IL22RA1: variants seen among roughly 807,000 people sequenced by gnomAD.
The protein encoded by IL22RA1 is interleukin 22 receptor subunit alpha 1.
IL22RA1 carries 25 observed loss-of-function variants against 32.8 expected under a neutral mutation model. That is an observed-to-expected ratio of 0.76 (90% CI 0.55 to 1.06). The LOEUF (loss-of-function observed/expected upper bound fraction) is 1.06. Ranked by LOEUF, IL22RA1 falls within the 50% of genes least tolerant of loss-of-function variation. IL22RA1 has a pLI of 0.00. For missense variants in IL22RA1, 709 were observed against 727.4 expected, an observed-to-expected ratio of 0.97 and a Z score of 0.29; for synonymous variants, 305 against 305.0, an observed-to-expected ratio of 1.00 and a Z score of 0.00.
At chr1:24,142,112 C>A (rs191196192) in intron 1 of IL22RA1, among the ~76,000 whole-genome samples, 31 of 152,294 alleles carry the variant, frequency 2.0e-4, no homozygotes, top group African/African-American at 7.2e-4. Flanking sequence ...TGCCTCACAT[C>A]TTCCTGGAAC....
intron 4 of IL22RA1, among the ~76,000 whole-genome samples, chr1:24,133,824 C>T (rs1054016362): frequency 5.9e-5 from 9 of 151,998 alleles, no homozygotes; most frequent in Admixed American, 1.3e-4. Flanking sequence ...TGCTAAATGA[C>T]GAGTTAATGG....
intron 6 of IL22RA1, 61 bp downstream of exon 6, chr1:24,123,241 G>A (rs754358349): frequency 1.3e-5 from 20 of 1,558,756 alleles, no homozygotes; most frequent in Non-Finnish European, 1.4e-5. Flanking sequence ...GGACAACTGG[G>A]GACCTCGGAG....
intron 1 of IL22RA1, among the ~76,000 whole-genome samples, chr1:24,141,776 G>A (rs1307462743): frequency 1.3e-5 from 2 of 152,192 alleles, no homozygotes; most frequent in Non-Finnish European, 2.9e-5. Context: ...AATCTGGGGA[G>A]ACATGTGTTG....
intron 1 of IL22RA1, among the ~76,000 whole-genome samples, chr1:24,141,862 G>T (rs1238912926): frequency 1.3e-5 from 2 of 152,192 alleles, no homozygotes; most frequent in Non-Finnish European, 2.9e-5. Context: ...ACAATGTTCT[G>T]TCAACCAGCT....
At chr1:24,141,353 T>C (rs905363513) in intron 1 of IL22RA1, among the ~76,000 whole-genome samples, 3 of 151,600 alleles carry the variant, frequency 2.0e-5, no homozygotes, top group Non-Finnish European at 4.4e-5. Flanking sequence ...TCTGGTTGGG[T>C]GGTGGGTCAG....
In IL22RA1 at chr1:24,134,403, A is replaced by T. The variant is rs1383635700; in HGVS notation, c.356-17T>A. 1.4e-6 allele frequency: 2 copies of T among 1,452,436 alleles called. No individual in the cohort carries two copies. Among genetic ancestry groups the T allele is most frequent in the South Asian group, 2.9e-5 (2 of 68,034 alleles). The allele number at this position is 1,452,436 out of a possible 1,614,324, so 90.0% of individuals were successfully genotyped here. ...TGAGGGTAGCTGGGGATAGGGAGAG[A>T]GAAAAGAGAAAAGAAAAAGTCAGAA... On this transcript the variant is annotated splice_polypyrimidine_tract_variant and intron_variant, in intron 3 of 6. Coordinates refer to ENST00000270800, the MANE Select transcript of IL22RA1 (RefSeq NM_021258.4).
chr1:24,121,750 G>A lies in IL22RA1; in HGVS notation c.793-13C>T, dbSNP rs943894468. The A allele has an allele frequency of 2.8e-5, 42 of 1,474,736 alleles. No homozygotes were observed. The highest frequency in any genetic ancestry group is 4.2e-5 in the African/African-American group (3 of 71,538). The allele number at this position is 1,474,736 out of a possible 1,614,324, so 91.4% of individuals were successfully genotyped here. ...CTCGCTGGACGTTCTGTGCAGGGAC[G>A]ACAACAGTCACCCCCCTGTGGTTAG... On this transcript the variant is annotated splice_polypyrimidine_tract_variant and intron_variant, in intron 6 of 6. Coordinates refer to ENST00000270800, the MANE Select transcript of IL22RA1 (RefSeq NM_021258.4).
At chr1:24,138,514 G>A in intron 2 of IL22RA1, 68 bp downstream of exon 2, 1 of 1,572,752 alleles carries the variant, frequency 6.4e-7, no homozygotes, top group Non-Finnish European at 8.7e-7. Flanking sequence ...ATGGAGAGGA[G>A]GGGAATTCCT....
At chr1:24,131,027 T>C (rs974410963) in intron 4 of IL22RA1, among the ~76,000 whole-genome samples, 6 of 152,174 alleles carry the variant, frequency 3.9e-5, no homozygotes, top group Non-Finnish European at 7.4e-5. Context: ...AAAGCAGCGG[T>C]ATAACAATGC....
intron 3 of IL22RA1, among the ~76,000 whole-genome samples, chr1:24,136,165 G>C (rs575120839): frequency 6.6e-5 from 10 of 152,224 alleles, no homozygotes; most frequent in Non-Finnish European, 1.5e-4. Context: ...GTGTTCCCCA[G>C]GCTGGTCTTG....
intron 5 of IL22RA1, among the ~76,000 whole-genome samples, chr1:24,125,909 T>C (rs11249201): frequency 0.16 from 23,887 of 152,256 alleles, 2,328 homozygotes; most frequent in Admixed American, 0.25. Flanking sequence ...GCCTTCTATA[T>C]GTCAGCAAGA....
intron 1 of IL22RA1, among the ~76,000 whole-genome samples, chr1:24,138,940 G>GC (rs1644262150): frequency 6.6e-6 from 1 of 152,226 alleles, no homozygotes; most frequent in Admixed American, 6.5e-5. Context: ...TCCATTCTCA[G>GC]CCATTTTGCT....
chr1:24,126,910 C>T (rs939939393), intron 5 of IL22RA1, among the ~76,000 whole-genome samples: 2 of 151,916 alleles, frequency 1.3e-5, no homozygotes, highest in African/African-American at 4.8e-5. Flanking sequence ...ATGGCTCATG[C>T]CTGTAATCCC....
At position 24,120,870 on chromosome 1, in the gene IL22RA1, C is replaced by T; in HGVS notation, c.1660G>A (p.Glu554Lys). Residue 554 changes from glutamate (E) to lysine (K), a missense_variant, in exon 7 of 7, where the codon GAG becomes AAG. Physicochemically the swap from Glu to Lys is moderately conservative, Grantham distance 56. Coordinates refer to ENST00000270800, the MANE Select transcript of IL22RA1 (RefSeq NM_021258.4). ...AGAGAATCCAGTTCTGTGGGCTGCT[C>T]CAGGTCTGAGGTCTCAGGGGCTGGG... ...KSPAPETSDL[E>K]QPTELDSLFR... 6.2e-7 allele frequency: 1 copy of T among 1,614,182 alleles called. No homozygotes were observed. The highest frequency in any genetic ancestry group is 8.5e-7 in the Non-Finnish European group (1 of 1,180,020).
intron 1 of IL22RA1, among the ~76,000 whole-genome samples, chr1:24,141,939 G>T (rs34089279): frequency 2.6e-5 from 4 of 152,316 alleles, no homozygotes; most frequent in Non-Finnish European, 4.4e-5. Context: ...CCTAAGATTG[G>T]GGGGGTGAGG....
intron 1 of IL22RA1, among the ~76,000 whole-genome samples, chr1:24,142,418 C>T (rs565205094): frequency 1.2e-3 from 187 of 152,346 alleles, no homozygotes; most frequent in African/African-American, 4.3e-3. Context: ...ATGAGCCCCC[C>T]ACTCCGCTCA....
chr1:24,138,848 G>T, intron 1 of IL22RA1, 134 bp from the exon 2 acceptor site: 1 of 1,086,614 alleles, frequency 9.2e-7, no homozygotes, highest in Non-Finnish European at 1.3e-6. Context: ...AGCCTGGTGG[G>T]TGGGCAGGGA....
chr1:24,122,343 G>A (rs1050577409), intron 6 of IL22RA1, among the ~76,000 whole-genome samples: 2 of 150,516 alleles, frequency 1.3e-5, no homozygotes, highest in Non-Finnish European at 2.9e-5. Context: ...GATTTGTGTG[G>A]CTGATGTAGG....
In IL22RA1 at chr1:24,132,622, G is replaced by A. The variant is rs1191462971; in HGVS notation, c.531+1589C>T. On this transcript the variant is annotated intron_variant, in intron 4 of 6. Transcript: ENST00000270800. ...GCTGGGATTACAGGCGTGAGCCACCGTGCCTGGCTGGGACCATGTTTTAAG... is the reference window on the plus strand; with the variant it reads ...GCTGGGATTACAGGCGTGAGCCACCATGCCTGGCTGGGACCATGTTTTAAG... Among the ~76,000 whole-genome samples, 2 of 151,204 alleles carry A rather than the reference G, an allele frequency of 1.3e-5. 1 individual carries two copies. Among genetic ancestry groups the A allele is most frequent in the South Asian group, 4.3e-4 (2 of 4,702 alleles).
Sources: gnomAD v4.1 joint callset for allele counts (sites outside exome capture counted in the v4.1 genomes callset) on GRCh38, gnomAD v4.1.1 for gene constraint, MANE v1.5 for transcripts, NCBI Gene and HGNC (gene_info 2026-07-23, HGNC 2026-07-21) for gene names.